Variants in PRMT8 observed in about 807,000 individuals in gnomAD.
PRMT8 encodes the protein protein arginine N-methyltransferase 8.
PRMT8 carries 7 observed loss-of-function variants against 47.1 expected under a neutral mutation model. That is an observed-to-expected ratio of 0.15 (90% CI 0.08 to 0.28). The LOEUF (loss-of-function observed/expected upper bound fraction) is 0.28, where lower values mean the gene tolerates loss of function less well. PRMT8 is among the 10% of genes least tolerant of loss of function. The pLI, the probability that PRMT8 is intolerant of heterozygous loss-of-function variation, is 1.00. For synonymous variants in PRMT8, 188 were observed against 186.5 expected (o/e 1.01, Z -0.07); for missense variants, 237 against 505.4 (o/e 0.47, Z 5.09).
In PRMT8 at chr12:3,493,421, C is replaced by T. The variant is rs1217864832; in HGVS notation, c.75+1721C>T. 4.6e-5 allele frequency among the ~76,000 whole-genome samples: 7 copies of T among 152,202 alleles called. No homozygotes were observed. Among genetic ancestry groups the T allele is most frequent in the African/African-American group, 1.7e-4 (7 of 41,434 alleles). On this transcript the variant is annotated intron_variant, in intron 1 of 9. Transcript: ENST00000382622. The surrounding 1 kb of genome is among the most constrained non-coding windows in gnomAD (Gnocchi z 8.2). ...GGAGCGAGCGGGCACGTAGCGGTCT[C>T]TGCCAGGTGGCTGGAGCCCTGGAAG...
chr12:3,573,292 C>A (rs1183921054), intron 6 of PRMT8, among the ~76,000 whole-genome samples: 1 of 152,046 alleles, frequency 6.6e-6, no homozygotes, highest in Non-Finnish European at 1.5e-5. Context: ...AGTCTTCTTT[C>A]CTTATATTGT....
intron 1 of PRMT8, among the ~76,000 whole-genome samples, chr12:3,518,146 G>T (rs1421192345): frequency 6.6e-6 from 1 of 152,168 alleles, no homozygotes; most frequent in Admixed American, 6.5e-5. Flanking sequence ...AGAGGACAGG[G>T]AGACTGGGGG....
At chr12:3,447,947 A>G (rs1001315409) in intron 1 of PRMT8, among the ~76,000 whole-genome samples, 4 of 152,132 alleles carry the variant, frequency 2.6e-5, no homozygotes, top group African/African-American at 7.2e-5. Flanking sequence ...TCTAATCTCT[A>G]TGGTCGATTG....
intron 4 of PRMT8, among the ~76,000 whole-genome samples, chr12:3,562,934 T>C (rs1866660892): frequency 1.3e-5 from 2 of 152,166 alleles, no homozygotes; most frequent in South Asian, 4.1e-4. Context: ...ACCTGAGCCC[T>C]GGGGAAGCTT....
intron 1 of PRMT8, among the ~76,000 whole-genome samples, chr12:3,414,291 C>T (rs532668832): frequency 5.3e-5 from 8 of 152,276 alleles, no homozygotes; most frequent in East Asian, 1.9e-4. Context: ...AAAGTCTCAC[C>T]GCACTTCTGA....
chr12:3,410,577 C>T (rs1045436488), intron 1 of PRMT8, among the ~76,000 whole-genome samples: 3 of 152,296 alleles, frequency 2.0e-5, no homozygotes, highest in East Asian at 3.9e-4. Context: ...GGCACGATCT[C>T]GGCTCACTGC....
intron 1 of PRMT8, among the ~76,000 whole-genome samples, chr12:3,396,539 C>T (rs914599356): frequency 4.6e-5 from 7 of 152,182 alleles, no homozygotes; most frequent in South Asian, 2.1e-4. Flanking sequence ...TGAATATTGG[C>T]CCTCACTCTC....
intron 2 of PRMT8, among the ~76,000 whole-genome samples, chr12:3,547,974 G>T (rs937383713): frequency 6.6e-6 from 1 of 152,144 alleles, no homozygotes; most frequent in Non-Finnish European, 1.5e-5. Context: ...AAAGAAGTAC[G>T]TTGGCAGACT....
At chr12:3,483,727 A>G (rs1046961608) in intron 1 of PRMT8, among the ~76,000 whole-genome samples, 2 of 152,250 alleles carry the variant, frequency 1.3e-5, no homozygotes, top group African/African-American at 4.8e-5. Context: ...AGACAGGTAG[A>G]AATTTTATTT....
At chr12:3,463,145 T>C (rs1434257797) in intron 1 of PRMT8, among the ~76,000 whole-genome samples, 1 of 152,126 alleles carries the variant, frequency 6.6e-6, no homozygotes. Context: ...CAATATTATA[T>C]CCCCATTTTA....
At chr12:3,533,919 G>A (rs1284767733) in intron 1 of PRMT8, among the ~76,000 whole-genome samples, 1 of 152,262 alleles carries the variant, frequency 6.6e-6, no homozygotes, top group Non-Finnish European at 1.5e-5. Flanking sequence ...CTAACCCTTT[G>A]TGTAATTATG....
intron 1 of PRMT8, among the ~76,000 whole-genome samples, chr12:3,429,147 G>A (rs534730069): frequency 6.6e-5 from 10 of 152,230 alleles, no homozygotes; most frequent in South Asian, 2.1e-4. Flanking sequence ...TGGGTGGGGC[G>A]GAGGGGGATG....
chr12:3,593,051 T>G lies in PRMT8; in HGVS notation c.1102-48T>G, dbSNP rs750058584. ...GGTGCCAGAGAGTGGGGCTGTGGCT[T>G]CATACCCAGACGGCCGCCTGACCCT... On this transcript the variant is annotated intron_variant, in intron 9 of 9. Coordinates refer to ENST00000382622, the MANE Select transcript of PRMT8 (RefSeq NM_019854.5). The surrounding 1 kb of genome is among the most constrained non-coding windows in gnomAD (Gnocchi z 4.8). 3 of 1,500,468 alleles carry G rather than the reference T, an allele frequency of 2.0e-6. No homozygotes were observed. The highest frequency in any genetic ancestry group is 1.7e-5 in the Admixed American group (1 of 59,230). 92.9% of individuals were successfully genotyped at this position (1,500,468 alleles called of 1,614,324 possible). A position where few individuals can be genotyped will look rare whatever the true frequency, so the allele number is the denominator to read the frequency against.
chr12:3,583,665 C>G lies in PRMT8; in HGVS notation c.979+457C>G, dbSNP rs1158380890. 6.6e-6 allele frequency among the ~76,000 whole-genome samples: 1 copy of G among 152,148 alleles called. No individual in the cohort carries two copies. The highest frequency in any genetic ancestry group is 1.5e-5 in the Non-Finnish European group (1 of 68,032). On this transcript the variant is annotated intron_variant, in intron 8 of 9. Coordinates refer to ENST00000382622, the MANE Select transcript of PRMT8 (RefSeq NM_019854.5). This position sits in a 1 kb window ranked among gnomAD's most constrained non-coding sequence, Gnocchi z 4.7. ...CCTTCTCCCTTACTTTCACACCAAC[C>G]CATCCTTCATTAAATCTCTGTTGGT...
In PRMT8 at chr12:3,570,558, T is replaced by C. The variant is rs752121973; in HGVS notation, c.712+994T>C. Among the ~76,000 whole-genome samples, 2 of 152,088 alleles carry C rather than the reference T, an allele frequency of 1.3e-5. No homozygotes were observed. Among genetic ancestry groups the C allele is most frequent in the Non-Finnish European group, 2.9e-5 (2 of 68,016 alleles). On this transcript the variant is annotated intron_variant, in intron 6 of 9. Transcript: ENST00000382622. The surrounding 1 kb of genome is among the most constrained non-coding windows in gnomAD (Gnocchi z 5.5). ...ACTGTGGAGGGGTTCACAGATTGAG[T>C]AGAAGAATAAATGCCTCCAAGAGGC...
intron 1 of PRMT8, among the ~76,000 whole-genome samples, chr12:3,497,825 A>G (rs866444487): frequency 3.3e-5 from 5 of 152,158 alleles, no homozygotes; most frequent in African/African-American, 1.2e-4. Flanking sequence ...TGATGTGCGT[A>G]TTTTCATAAA....
chr12:3,414,274 C>T (rs1864462269), intron 1 of PRMT8, among the ~76,000 whole-genome samples: 1 of 152,210 alleles, frequency 6.6e-6, no homozygotes. Context: ...TCCTGCTGCA[C>T]TCCCCAAAAG....
In PRMT8 at chr12:3,394,997, G is replaced by A. The variant is rs998230439; in HGVS notation, c.48+13555G>A. On this transcript the variant is annotated intron_variant, in intron 1 of 9. Coordinates refer to the PRMT8 transcript ENST00000452611. Reference sequence around the variant, plus strand: ...CTTCTAGATTTTCTAGTTTATTTGCGTAGAGGTGTTTGTAGTATTCTCTGA... The same window carrying A: ...CTTCTAGATTTTCTAGTTTATTTGCATAGAGGTGTTTGTAGTATTCTCTGA... Among the ~76,000 whole-genome samples, 639 of 151,886 alleles carry A rather than the reference G, an allele frequency of 4.2e-3. 10 individuals carry two copies. The highest frequency in any genetic ancestry group is 0.014 in the African/African-American group (600 of 41,406).
At chr12:3,400,346 C>T (rs1864304262) in intron 1 of PRMT8, among the ~76,000 whole-genome samples, 1 of 152,164 alleles carries the variant, frequency 6.6e-6, no homozygotes. Flanking sequence ...ATTGACCCCA[C>T]AGAAATACAA....
Sources: gnomAD v4.1 joint callset for allele counts (sites outside exome capture counted in the v4.1 genomes callset) on GRCh38, gnomAD v4.1.1 for gene constraint, Gnocchi (gnomAD v3.1) non-coding constraint, MANE v1.5 for transcripts, NCBI Gene and HGNC (gene_info 2026-07-23, HGNC 2026-07-21) for gene names.